EPS8L2: variants seen among roughly 807,000 people sequenced by gnomAD.
The protein encoded by EPS8L2 is EPS8 signaling adaptor L2, also known as epidermal growth factor receptor kinase substrate 8-like protein 2.
Under a neutral mutation model 99.4 loss-of-function variants are expected in EPS8L2, and 81 were observed. That is an observed-to-expected ratio of 0.82 (90% CI 0.68 to 0.98). The LOEUF (loss-of-function observed/expected upper bound fraction) is 0.98. Among genes scored for constraint, EPS8L2 ranks in the 50% least tolerant of loss-of-function variants. EPS8L2 has a pLI of 0.00. For missense variants in EPS8L2, 1,155 were observed against 968.8 expected, an observed-to-expected ratio of 1.19 and a Z score of -2.55; for synonymous variants, 509 against 407.3, an observed-to-expected ratio of 1.25 and a Z score of -3.01.
At chr11:720,524 C>A in intron 5 of EPS8L2, 73 bp from the exon 6 acceptor site, 5 of 1,549,580 alleles carry the variant, frequency 3.2e-6, no homozygotes, top group Non-Finnish European at 4.4e-6. Context: ...CAGGCTTGTC[C>A]ACAGCTCCGG....
chr11:725,979 G>A lies in EPS8L2; in HGVS notation c.1681-119G>A. On this transcript the variant is annotated intron_variant, in intron 17 of 20. Transcript: ENST00000318562. Reference sequence around the variant, plus strand: ...CAGGTGCAGGGCTCCCTGGGCAGAAGGAAAGGGCTGGTCCGCAGGCCGGGG... The same window carrying A: ...CAGGTGCAGGGCTCCCTGGGCAGAAAGAAAGGGCTGGTCCGCAGGCCGGGG... The A allele has an allele frequency of 2.2e-6, 3 of 1,337,546 alleles. No homozygotes were observed. In the South Asian group the frequency reaches 4.5e-5, roughly 20 times the overall value. 82.9% of individuals were successfully genotyped at this position (1,337,546 alleles called of 1,614,324 possible). A position where few individuals can be genotyped will look rare whatever the true frequency, so the allele number is the denominator to read the frequency against.
intron 5 of EPS8L2, 163 bp from the exon 6 acceptor site, chr11:720,434 T>C: frequency 1.6e-6 from 2 of 1,233,952 alleles, no homozygotes; most frequent in Non-Finnish European, 1.1e-6. Flanking sequence ...AGCCTTGCGG[T>C]ACAGCTGCGG....
At chr11:711,267 TGC>T (rs746049987) in intron 4 of EPS8L2, among the ~76,000 whole-genome samples, 30,228 of 146,088 alleles carry the variant, frequency 0.21, 3,106 homozygotes, top group Admixed American at 0.27. Flanking sequence ...TGTGCGTGCG[TGC>T]GTGTGTGTGT....
intron 4 of EPS8L2, among the ~76,000 whole-genome samples, chr11:717,837 A>G (rs962355529): frequency 3.3e-5 from 5 of 150,764 alleles, no homozygotes; most frequent in Admixed American, 6.6e-5. Flanking sequence ...GTGAAACCCC[A>G]TCTCTACTAA....
In EPS8L2 at chr11:721,066, G is replaced by A. The variant is rs1379690730; in HGVS notation, c.560G>A (p.Gly187Glu). 3 of 1,468,332 alleles carry A rather than the reference G, an allele frequency of 2.0e-6. No individual in the cohort carries two copies. The highest frequency in any genetic ancestry group is 2.4e-5 in the East Asian group (1 of 41,314). The allele number at this position is 1,468,332 out of a possible 1,614,324, so 91.0% of individuals were successfully genotyped here. A position where few individuals can be genotyped will look rare whatever the true frequency, so the allele number is the denominator to read the frequency against. The change falls in exon 8 of 21, where the codon GGA becomes GAA. Residue 187 changes from glycine (G) to glutamate (E), a missense_variant and splice_region_variant. Coordinates refer to ENST00000318562, the MANE Select transcript of EPS8L2 (RefSeq NM_022772.4). ...GKKMRPQTLK[G>E]HQEKIRQRQS... is the part of the protein sequence containing the mutation. ...AGCAGGACCCCCTCGCCCTCCAGGG[G>A]ACACCAGGAGAAGATTCGGCAGCGG...
intron 4 of EPS8L2, among the ~76,000 whole-genome samples, chr11:714,217 TC>T (rs1861959854): frequency 6.7e-6 from 1 of 149,366 alleles, no homozygotes; most frequent in Non-Finnish European, 1.5e-5. Context: ...TCCTGTGTTT[TC>T]TTTTTCTTTT....
intron 17 of EPS8L2, 124 bp downstream of exon 17, chr11:725,971 G>A (rs866689684): frequency 2.2e-6 from 3 of 1,355,752 alleles, no homozygotes; most frequent in Middle Eastern, 5.4e-4. Flanking sequence ...AGGGCTCCCT[G>A]GGCAGAAGGA....
At chr11:715,167 C>G (rs375811874) in intron 4 of EPS8L2, among the ~76,000 whole-genome samples, 27 of 151,688 alleles carry the variant, frequency 1.8e-4, no homozygotes, top group South Asian at 1.5e-3. Flanking sequence ...GCGTGAACCC[C>G]GGAGGCGGAG....
Position 727,182 on chromosome 11 carries a change from ATC to A in EPS8L2, c.*204_*205del. 1 of 477,722 alleles carries A rather than the reference ATC, an allele frequency of 2.1e-6. No homozygotes were observed. Among genetic ancestry groups the A allele is most frequent in the Non-Finnish European group, 3.7e-6 (1 of 269,006 alleles). 29.6% of individuals were successfully genotyped at this position (477,722 alleles called of 1,614,324 possible). ...AAGGCCTCAGCCCACACCAAGACTA[ATC>A]TCAGCCAAACCTGCTGCTTGGTGGT... On this transcript the variant is annotated 3_prime_UTR_variant, in exon 21 of 21. Transcript: ENST00000318562.
Position 727,156 on chromosome 11 carries a change from C to T in EPS8L2, c.*175C>T. ...GCCCATCCTTAGGCCAAACAGTACC[C>T]AAGGCCTCAGCCCACACCAAGACTA... On this transcript the variant is annotated 3_prime_UTR_variant, in exon 21 of 21. Transcript: ENST00000318562. The T allele has an allele frequency of 1.7e-6, 1 of 581,262 alleles. No homozygotes were observed. Among genetic ancestry groups the T allele is most frequent in the Admixed American group, 3.1e-5 (1 of 32,544 alleles). The allele number at this position is 581,262 out of a possible 1,614,324, so 36.0% of individuals were successfully genotyped here.
intron 4 of EPS8L2, among the ~76,000 whole-genome samples, chr11:715,382 A>G (rs1861995744): frequency 6.6e-6 from 1 of 151,974 alleles, no homozygotes; most frequent in African/African-American, 2.4e-5. Flanking sequence ...TGCCTGTAAG[A>G]TCTGTAGTGA....
rs1195918540 is a variant in EPS8L2, at chr11:724,334, G to A, written c.1455-390G>A. Among the ~76,000 whole-genome samples, 4 of 152,154 alleles carry A rather than the reference G, an allele frequency of 2.6e-5. No individual in the cohort carries two copies. Among genetic ancestry groups the A allele is most frequent in the East Asian group, 1.9e-4 (1 of 5,186 alleles). On this transcript the variant is annotated intron_variant, in intron 15 of 20. Transcript: ENST00000318562. This position sits in a 1 kb window ranked among gnomAD's most constrained non-coding sequence, Gnocchi z 5.5. ...TGTGTTCAGTCCTCAGAGGGGCCACGGCTCTGAAGACATGCTGGCCCTCAC... is the reference window on the plus strand; with the variant it reads ...TGTGTTCAGTCCTCAGAGGGGCCACAGCTCTGAAGACATGCTGGCCCTCAC...
intron 4 of EPS8L2, among the ~76,000 whole-genome samples, chr11:711,330 C>T (rs1003469614): frequency 7.9e-5 from 12 of 151,726 alleles, no homozygotes; most frequent in African/African-American, 2.9e-4. Flanking sequence ...CTCTGTCTCT[C>T]TCTTTTCTTT....
At chr11:726,048 G>GGGAGGC in intron 17 of EPS8L2, 50 bp from the exon 18 acceptor site, 1 of 1,377,132 alleles carries the variant, frequency 7.3e-7, no homozygotes, top group Non-Finnish European at 1.0e-6. Flanking sequence ...GGCAGGTGCT[G>GGGAGGC]GGAGGCGGGG....
At chr11:726,807 C>T (rs1008442513) in intron 20 of EPS8L2, 56 bp downstream of exon 20, 27 of 1,579,864 alleles carry the variant, frequency 1.7e-5, no homozygotes, top group Middle Eastern at 1.9e-4. Flanking sequence ...CCCTCCTCTC[C>T]CCCGCCCGTT....
Position 709,456 on chromosome 11 carries a change from G to GCCCAC in EPS8L2, c.44+8_44+9insACCCC. The GCCCAC allele has an allele frequency of 1.9e-6, 3 of 1,588,556 alleles. No homozygotes were observed. The highest frequency in any genetic ancestry group is 2.6e-6 in the Non-Finnish European group (3 of 1,164,922). ...CTGCTGCCCGGGTGCCACCAAGTGA[G>GCCCAC]CCCTCCCACCCATCCCGAATACCCC... On this transcript the variant is annotated splice_donor_region_variant and intron_variant, in intron 2 of 20. Coordinates refer to ENST00000318562, the MANE Select transcript of EPS8L2 (RefSeq NM_022772.4).
At chr11:707,527 G>A (rs1861758834) in intron 1 of EPS8L2, among the ~76,000 whole-genome samples, 1 of 152,186 alleles carries the variant, frequency 6.6e-6, no homozygotes, top group Non-Finnish European at 1.5e-5. Flanking sequence ...TTCACACCGG[G>A]AAAATGACCA....
chr11:707,850 T>A lies in EPS8L2; in HGVS notation c.-78-1480T>A, dbSNP rs543891801. 1.8e-3 allele frequency among the ~76,000 whole-genome samples: 271 copies of A among 152,200 alleles called. 3 individuals are homozygous for A. Among genetic ancestry groups the A allele is most frequent in the Non-Finnish European group, 3.5e-4 (24 of 67,980 alleles). ...GGTGCGTTGGTGTCTCGCCCAGGTG[T>A]GTGCCTGGACACACGTGCCTGGCGC... On this transcript the variant is annotated intron_variant, in intron 1 of 20. Transcript: ENST00000318562.
rs1156747513 is a variant in EPS8L2, at chr11:721,311, G to A, written c.727G>A (p.Glu243Lys). The A allele has an allele frequency of 7.1e-6, 11 of 1,540,276 alleles. No homozygotes were observed. The highest frequency in any genetic ancestry group is 9.6e-6 in the Non-Finnish European group (11 of 1,146,704). ...PGFRRRESQE[E>K]PRAVLAQKIE... ...TTTCCGCCGTCGGGAGTCGCAGGAG[G>A]AGCCGCGGGCCGTGCTGGCTCAGAA... is the stretch of plus-strand genomic sequence containing the variant. Residue 243 changes from glutamate to lysine, a missense_variant, in exon 9 of 21, where the codon GAG becomes AAG. Coordinates refer to ENST00000318562, the MANE Select transcript of EPS8L2 (RefSeq NM_022772.4).
Sources: allele counts gnomAD v4.1 joint callset (sites outside exome capture counted in the v4.1 genomes callset), GRCh38; gene constraint gnomAD v4.1.1; non-coding constraint Gnocchi (gnomAD v3.1); transcripts MANE v1.5; gene names NCBI Gene and HGNC (gene_info 2026-07-23, HGNC 2026-07-21).